EPHA1: variants seen among roughly 807,000 people sequenced by gnomAD.
EPHA1 encodes EPH receptor A1.
Under a neutral mutation model 110.1 loss-of-function variants are expected in EPHA1, and 92 were observed. That is an observed-to-expected ratio of 0.84 (90% CI 0.71 to 0.99). EPHA1 has a LOEUF of 0.99. Among genes scored for constraint, EPHA1 ranks in the 50% least tolerant of loss-of-function variants. The pLI, the probability that EPHA1 is intolerant of heterozygous loss-of-function variation, is 0.00. For synonymous variants in EPHA1, 500 were observed against 516.1 expected, an observed-to-expected ratio of 0.97 and a Z score of 0.42; for missense variants, 1,204 against 1,285.4, an observed-to-expected ratio of 0.94 and a Z score of 0.97.
chr7:143,405,902 G>A (rs1468569452), intron 2 of EPHA1, among the ~76,000 whole-genome samples: 6 of 152,180 alleles, frequency 3.9e-5, no homozygotes, highest in Admixed American at 3.3e-4. Flanking sequence ...TCAAGTACTG[G>A]GGTAAGGAAG....
At chr7:143,404,279 C>T (rs918516462) in intron 2 of EPHA1, among the ~76,000 whole-genome samples, 21 of 150,808 alleles carry the variant, frequency 1.4e-4, no homozygotes, top group East Asian at 3.9e-4. Flanking sequence ...TGCAGTGGTG[C>T]GATCTTGGCT....
At chr7:143,392,288 C>G (rs1454398755) in intron 16 of EPHA1, among the ~76,000 whole-genome samples, 1 of 152,208 alleles carries the variant, frequency 6.6e-6, no homozygotes, top group African/African-American at 2.4e-5. Context: ...TGTACTAAAG[C>G]TCGCCAGAGC....
In EPHA1 at chr7:143,393,696, G is replaced by A. The variant is rs767930814; in HGVS notation, c.2671C>T (p.Arg891Trp). The A allele has an allele frequency of 4.0e-5, 64 of 1,613,608 alleles. No homozygotes were observed. The Admixed American group carries it at 7.5e-4, about 19-fold the overall frequency. The change falls in exon 16 of 18, where the codon CGG becomes TGG. Residue 891 changes from arginine (R) to tryptophan (W), a missense_variant. By Grantham distance (101) the Arg-to-Trp change is moderately radical. Coordinates refer to ENST00000275815, the MANE Select transcript of EPHA1 (RefSeq NM_005232.5). The surrounding 1 kb of genome is among the most constrained non-coding windows in gnomAD (Gnocchi z 5.6). Reference protein sequence around the residue: ...EQLLANPHSLRTIANFDPRMT... With the variant: ...EQLLANPHSLWTIANFDPRMT... Reference sequence around the variant, plus strand: ...CTGGGGTCAAAGTTGGCAATGGTCCGCAGGGAGTGGGGGTTGGCAAGCAGT... The same window carrying A: ...CTGGGGTCAAAGTTGGCAATGGTCCACAGGGAGTGGGGGTTGGCAAGCAGT...
chr7:143,400,176 G>A, intron 3 of EPHA1, 123 bp from the exon 4 acceptor site: 1 of 1,193,046 alleles, frequency 8.4e-7, no homozygotes, highest in Non-Finnish European at 1.2e-6. Context: ...GTATGTGTGA[G>A]GTGCCAGGCT....
chr7:143,408,385 G>A (rs1005693519), intron 1 of EPHA1, among the ~76,000 whole-genome samples: 2 of 152,116 alleles, frequency 1.3e-5, no homozygotes, highest in Non-Finnish European at 2.9e-5. Flanking sequence ...GATCTCTGGG[G>A]TGGGCACCTG....
chr7:143,396,604 C>A, intron 10 of EPHA1, 94 bp from the exon 11 acceptor site: 1 of 1,466,278 alleles, frequency 6.8e-7, no homozygotes, highest in Admixed American at 2.0e-5. Flanking sequence ...CACACTTCTC[C>A]ACACCTCCCT....
chr7:143,392,405 T>C (rs1805113403), intron 16 of EPHA1, among the ~76,000 whole-genome samples: 1 of 152,194 alleles, frequency 6.6e-6, no homozygotes, highest in Non-Finnish European at 1.5e-5. Flanking sequence ...CTCCAAAAGA[T>C]AGTTTCAAAA....
Position 143,399,973 on chromosome 7 carries a change from G to A in EPHA1, c.513C>T (p.Cys171=), listed in dbSNP as rs141275729. The A allele has an allele frequency of 9.3e-6, 15 of 1,613,780 alleles. No individual in the cohort carries two copies. The East Asian group carries it at 2.7e-4, about 29-fold the overall frequency. ...CACGGCGGGTCAGGCGGCCCAGAGA[G>A]CAGCGCTCCACATTCAGCTTCACGG... ...SGSVKLNVER[C]SLGRLTRRGL... The change falls in exon 4 of 18, where the codon TGC becomes TGT. Residue 171 remains cysteine (C), a synonymous_variant. Coordinates refer to ENST00000275815, the MANE Select transcript of EPHA1 (RefSeq NM_005232.5).
In EPHA1 at chr7:143,391,410, C is replaced by T. The variant is rs778970850; in HGVS notation, c.*47G>A. ...GAGTGACCATGAGCGACCTTGGCCCCGTCCTTGCTCCTTGCACCCTGATTG... is the reference window on the plus strand; with the variant it reads ...GAGTGACCATGAGCGACCTTGGCCCTGTCCTTGCTCCTTGCACCCTGATTG... On this transcript the variant is annotated 3_prime_UTR_variant, in exon 18 of 18. Coordinates refer to ENST00000275815, the MANE Select transcript of EPHA1 (RefSeq NM_005232.5). 2.4e-5 allele frequency: 39 copies of T among 1,608,920 alleles called. No homozygotes were observed. The highest frequency in any genetic ancestry group is 2.7e-5 in the Non-Finnish European group (32 of 1,177,358).
At chr7:143,399,487 C>T (rs991254330) in intron 4 of EPHA1, 74 bp from the exon 5 acceptor site, 4 of 1,544,276 alleles carry the variant, frequency 2.6e-6, no homozygotes, top group African/African-American at 2.7e-5. Flanking sequence ...CCCCTTCCTG[C>T]CCCAATCCCT....
chr7:143,394,118 A>C, intron 15 of EPHA1, 76 bp downstream of exon 15: 1 of 1,509,012 alleles, frequency 6.6e-7, no homozygotes, highest in South Asian at 1.3e-5. Flanking sequence ...TTGCAGGAAA[A>C]GGCCATGGGA....
intron 2 of EPHA1, among the ~76,000 whole-genome samples, chr7:143,406,532 C>A (rs969596343): frequency 6.6e-6 from 1 of 152,174 alleles, no homozygotes; most frequent in Admixed American, 6.5e-5. Context: ...TAATTGAACC[C>A]GAGGAGGAGG....
Position 143,391,630 on chromosome 7 carries a change from G to T in EPHA1, c.2842C>A (p.Leu948Met). The change falls in exon 17 of 18, where the codon CTG (leucine) becomes ATG (methionine). Residue 948 changes from leucine to methionine, a missense_variant. By Grantham distance (15) the Leu-to-Met change is conservative. Transcript: ENST00000275815. ...GLDTMECVLE[L>M]TAEDLTQMGI... ...GCTCCAGCTCCTTACTCAGCGGTCA[G>T]CTCCAGCACACACTCCATGGTGTCC... 1.2e-6 allele frequency: 2 copies of T among 1,614,146 alleles called. No individual in the cohort carries two copies.
chr7:143,408,143 C>A (rs1016539835), intron 1 of EPHA1, among the ~76,000 whole-genome samples: 2 of 152,166 alleles, frequency 1.3e-5, no homozygotes, highest in Non-Finnish European at 1.5e-5. Context: ...TTTGGCCTGA[C>A]CTGGCCAGTG....
chr7:143,404,531 C>G (rs1381722429), intron 2 of EPHA1, among the ~76,000 whole-genome samples: 1 of 152,042 alleles, frequency 6.6e-6, no homozygotes, highest in East Asian at 1.9e-4. Context: ...AGAGATATAT[C>G]TTTATATATT....
intron 2 of EPHA1, among the ~76,000 whole-genome samples, chr7:143,403,186 G>A (rs1351452316): frequency 3.3e-5 from 5 of 152,168 alleles, no homozygotes; most frequent in Non-Finnish European, 7.4e-5. Context: ...GGCCAACAAG[G>A]CAAAACCTCC....
At chr7:143,403,315 G>T (rs1805468838) in intron 2 of EPHA1, among the ~76,000 whole-genome samples, 1 of 152,200 alleles carries the variant, frequency 6.6e-6, no homozygotes, top group Non-Finnish European at 1.5e-5. Context: ...AGGTTGCAGT[G>T]AGCCAAGATC....
In EPHA1 at chr7:143,394,804, T is replaced by C; in HGVS notation, c.2352+4A>G. 1 of 1,614,036 alleles carries C rather than the reference T, an allele frequency of 6.2e-7. No homozygotes were observed. The highest frequency in any genetic ancestry group is 8.5e-7 in the Non-Finnish European group (1 of 1,180,016). ...TGTGCACTGGGTTTGTACCGGCCTCTAACCTGGGTTTCGTATGTGCCATCA... is the reference window on the plus strand; with the variant it reads ...TGTGCACTGGGTTTGTACCGGCCTCCAACCTGGGTTTCGTATGTGCCATCA... On this transcript the variant is annotated splice_donor_region_variant and intron_variant, in intron 14 of 17. Coordinates refer to ENST00000275815, the MANE Select transcript of EPHA1 (RefSeq NM_005232.5).
rs748100268 is a variant in EPHA1, at chr7:143,407,682, A to C, written c.83-4T>G. The C allele has an allele frequency of 1.9e-6, 3 of 1,612,588 alleles. No homozygotes were observed. In the East Asian group the frequency reaches 6.7e-5, roughly 36 times the overall value. On this transcript the variant is annotated splice_polypyrimidine_tract_variant and splice_region_variant and intron_variant, in intron 1 of 17. Transcript: ENST00000275815. ...TTGCTTGTGTCCATCAGAGTAACTG[A>C]AAGTGGGGAGAAAAGAAGTCTGTCA...
Sources: allele counts gnomAD v4.1 joint callset (sites outside exome capture counted in the v4.1 genomes callset), GRCh38; gene constraint gnomAD v4.1.1; non-coding constraint Gnocchi (gnomAD v3.1); transcripts MANE v1.5; gene names NCBI Gene and HGNC (gene_info 2026-07-23, HGNC 2026-07-21).